The following PSMD11 variants were observed in gnomAD, a reference collection of about 807,000 sequenced individuals.
PSMD11 encodes proteasome 26S subunit, non-ATPase 11.
In PSMD11, 5 loss-of-function variants were observed where a neutral mutation model predicts 62.3. That is an observed-to-expected ratio of 0.08 (90% CI 0.04 to 0.17). The LOEUF (loss-of-function observed/expected upper bound fraction) is 0.17, where lower values mean the gene tolerates loss of function less well. Among genes scored for constraint, PSMD11 ranks in the 10% least tolerant of loss-of-function variants. The pLI, the probability that PSMD11 is intolerant of heterozygous loss-of-function variation, is 1.00. For synonymous variants in PSMD11, 191 were observed against 191.8 expected (o/e 1.00, Z 0.03); for missense variants, 310 against 512.9 (o/e 0.60, Z 3.82).
chr17:32,471,041 C>A (rs1946439274), intron 6 of PSMD11, among the ~76,000 whole-genome samples: 1 of 152,160 alleles, frequency 6.6e-6, no homozygotes, highest in African/African-American at 2.4e-5. Context: ...CATCCTTTGA[C>A]TCTAGTGTGC....
rs1283058402 is a variant in PSMD11, at chr17:32,455,971, G to A, written c.318+1352G>A. 2.6e-5 allele frequency among the ~76,000 whole-genome samples: 4 copies of A among 151,660 alleles called. No homozygotes were observed. In the East Asian group the frequency reaches 5.8e-4, roughly 22 times the overall value. ...ATCCTGGCTAACATGGTGAAACCCC[G>A]TTTCTACTAAAAATAAAAAAAAATT... On this transcript the variant is annotated intron_variant, in intron 3 of 13. Transcript: ENST00000261712.
At chr17:32,454,395 T>C in intron 2 of PSMD11, 100 bp from the exon 3 acceptor site, 1 of 1,226,798 alleles carries the variant, frequency 8.2e-7, no homozygotes, top group Non-Finnish European at 1.2e-6. Flanking sequence ...ATTCCAGTGA[T>C]GTAAGTACCG....
At chr17:32,446,733 G>A (rs750369764) in intron 1 of PSMD11, among the ~76,000 whole-genome samples, 3 of 150,946 alleles carry the variant, frequency 2.0e-5, no homozygotes, top group Non-Finnish European at 2.9e-5. Flanking sequence ...TCAAAGAGAA[G>A]AATCCTTTTT....
At chr17:32,476,499 G>T (rs1052375509) in intron 8 of PSMD11, among the ~76,000 whole-genome samples, 129 of 152,298 alleles carry the variant, frequency 8.5e-4, no homozygotes, top group African/African-American at 3.0e-3. Flanking sequence ...CTTGCACCAT[G>T]TAGTCTACTG....
In PSMD11 at chr17:32,475,628, CTCAT is replaced by C. The variant is rs1908294714; in HGVS notation, c.849+807_849+810del. Among the ~76,000 whole-genome samples, 3 of 144,558 alleles carry C rather than the reference CTCAT, an allele frequency of 2.1e-5. No homozygotes were observed. In the South Asian group the frequency reaches 6.5e-4, roughly 31 times the overall value. The allele number at this position is 144,558 out of a possible 152,430, so 94.8% of individuals were successfully genotyped here. The stretch of plus-strand genomic sequence containing the variant: ...TTTTTTTTTTTTTTTGAGTTGGAGT[CTCAT>C]TCTTTCATTCAGGCTGGAGTGCAGT... On this transcript the variant is annotated intron_variant, in intron 8 of 13. Transcript: ENST00000261712.
intron 2 of PSMD11, among the ~76,000 whole-genome samples, chr17:32,447,538 T>A (rs1172376163): frequency 1.3e-5 from 2 of 152,188 alleles, no homozygotes; most frequent in East Asian, 3.8e-4. Context: ...TTTGTGCACA[T>A]CATTGCTCAA....
chr17:32,465,783 A>G (rs1180037027), intron 5 of PSMD11, among the ~76,000 whole-genome samples: 1 of 149,960 alleles, frequency 6.7e-6, no homozygotes, highest in Non-Finnish European at 1.5e-5. Context: ...AGACCAGCCT[A>G]GGCAACATGG....
At chr17:32,446,804 G>GTTT (rs376587076) in intron 1 of PSMD11, 141 bp from the exon 2 acceptor site, 51 of 344,076 alleles carry the variant, frequency 1.5e-4, no homozygotes, top group Middle Eastern at 1.3e-3. Flanking sequence ...CTGGCTTAGA[G>GTTT]TTTTTTTTTT....
At chr17:32,476,041 A>G (rs1440419357) in intron 8 of PSMD11, among the ~76,000 whole-genome samples, 1 of 151,900 alleles carries the variant, frequency 6.6e-6, no homozygotes, top group Admixed American at 6.6e-5. Context: ...AGGTGGGCGG[A>G]TCACTTGAGG....
In PSMD11 at chr17:32,475,631, A is replaced by G. The variant is rs1328803505; in HGVS notation, c.849+807A>G. Among the ~76,000 whole-genome samples, 9 of 141,114 alleles carry G rather than the reference A, an allele frequency of 6.4e-5. No individual in the cohort carries two copies. The East Asian group carries it at 1.0e-3, about 16-fold the overall frequency. 92.6% of individuals were successfully genotyped at this position (141,114 alleles called of 152,430 possible). On this transcript the variant is annotated intron_variant, in intron 8 of 13. Coordinates refer to ENST00000261712, the MANE Select transcript of PSMD11 (RefSeq NM_002815.4). ...TTTTTTTTTTTTGAGTTGGAGTCTC[A>G]TTCTTTCATTCAGGCTGGAGTGCAG...
intron 1 of PSMD11, chr17:32,444,853 C>T (rs1343505646): frequency 3.5e-6 from 2 of 568,386 alleles, no homozygotes; most frequent in Non-Finnish European, 3.1e-6. Context: ...ACGGGGGGCT[C>T]AGCGTAGGGT....
At chr17:32,478,841 C>T (rs1908405145) in intron 9 of PSMD11, among the ~76,000 whole-genome samples, 1 of 152,164 alleles carries the variant, frequency 6.6e-6, no homozygotes, top group Admixed American at 6.5e-5. Context: ...AGCTGTTCAC[C>T]TGAAGCCTGC....
intron 2 of PSMD11, among the ~76,000 whole-genome samples, chr17:32,449,724 C>A (rs72813036): frequency 0.012 from 1,834 of 152,316 alleles, 17 homozygotes; most frequent in Non-Finnish European, 0.017. Flanking sequence ...ACAATGGGAA[C>A]TCTAAGGAAG....
chr17:32,478,011 G>A (rs1483711643), intron 9 of PSMD11, among the ~76,000 whole-genome samples: 1 of 152,176 alleles, frequency 6.6e-6, no homozygotes, highest in Non-Finnish European at 1.5e-5. Context: ...GAAATGCCAG[G>A]TCTGCTCCTC....
At chr17:32,455,976 T>A (rs548609607) in intron 3 of PSMD11, among the ~76,000 whole-genome samples, 1 of 151,788 alleles carries the variant, frequency 6.6e-6, no homozygotes, top group Non-Finnish European at 1.5e-5. Context: ...ACCCCGTTTC[T>A]ACTAAAAATA....
In PSMD11 at chr17:32,480,196, T is replaced by C. The variant is rs1301629020; in HGVS notation, c.1125T>C (p.His375=). The C allele has an allele frequency of 6.2e-7, 1 of 1,613,238 alleles. No individual in the cohort carries two copies. The highest frequency in any genetic ancestry group is 2.2e-5 in the East Asian group (1 of 44,882). The part of the protein sequence containing the change: ...LSQMILDKKF[H]GILDQGEGVL... ...AGATGATTCTTGACAAGAAATTTCA[T>C]GGTAAGTAACAGTCACACAGGCAAG... is the stretch of plus-strand genomic sequence containing the variant. The change falls in exon 12 of 14, where the codon CAT becomes CAC. Residue 375 remains histidine, a splice_region_variant and synonymous_variant. Coordinates refer to ENST00000261712, the MANE Select transcript of PSMD11 (RefSeq NM_002815.4).
intron 5 of PSMD11, 65 bp downstream of exon 5, chr17:32,464,643 C>A (rs747051100): frequency 5.3e-5 from 67 of 1,261,274 alleles, no homozygotes; most frequent in Non-Finnish European, 6.9e-5. Context: ...CACCTGGCTA[C>A]TCTTACTAAT....
chr17:32,474,903 C>A, intron 8 of PSMD11, 79 bp downstream of exon 8: 2 of 1,260,792 alleles, frequency 1.6e-6, no homozygotes, highest in Non-Finnish European at 2.3e-6. Flanking sequence ...ATGAGACCAG[C>A]ACTCTTCAGA....
intron 5 of PSMD11, among the ~76,000 whole-genome samples, chr17:32,465,925 A>G (rs1017688591): frequency 1.3e-5 from 2 of 152,160 alleles, no homozygotes; most frequent in Non-Finnish European, 2.9e-5. Context: ...CAGTGAGCCA[A>G]GATTATGCCA....
Sources: gnomAD v4.1 joint callset for allele counts (sites outside exome capture counted in the v4.1 genomes callset) on GRCh38, gnomAD v4.1.1 for gene constraint, MANE v1.5 for transcripts, NCBI Gene and HGNC (gene_info 2026-07-23, HGNC 2026-07-21) for gene names.